The following CLCA1 variants were observed in gnomAD, a reference collection of about 807,000 sequenced individuals.
CLCA1 encodes the protein calcium-activated chloride channel regulator 1.
CLCA1 carries 59 observed loss-of-function variants against 85.6 expected under a neutral mutation model. That is an observed-to-expected ratio of 0.69 (90% CI 0.56 to 0.86). The LOEUF is 0.86. Ranked by LOEUF, CLCA1 falls within the 40% of genes least tolerant of loss-of-function variation. The pLI, the probability that CLCA1 is intolerant of heterozygous loss-of-function variation, is 0.00. For synonymous variants in CLCA1, 396 were observed against 398.3 expected (o/e 0.99, Z 0.07); for missense variants, 1,022 against 1,101.4 (o/e 0.93, Z 1.02).
At chr1:86,498,482 C>A in intron 12 of CLCA1, 90 bp from the exon 13 acceptor site, 1 of 1,299,470 alleles carries the variant, frequency 7.7e-7, no homozygotes, top group Non-Finnish European at 1.1e-6. Context: ...AAGTGGGGAA[C>A]AGGAAGAGGG....
At chr1:86,478,349 C>T (rs1170574519) in intron 4 of CLCA1, among the ~76,000 whole-genome samples, 1 of 152,022 alleles carries the variant, frequency 6.6e-6, no homozygotes, top group Non-Finnish European at 1.5e-5. Context: ...ATTGCTTGAA[C>T]CCGGGAGGCG....
intron 7 of CLCA1, 136 bp downstream of exon 7, chr1:86,486,889 T>C (rs1348216180): frequency 7.8e-6 from 6 of 770,646 alleles, no homozygotes; most frequent in African/African-American, 6.9e-5. Flanking sequence ...CCATATTTAC[T>C]TGGAGACTGT....
chr1:86,476,745 T>C (rs1400343797), intron 4 of CLCA1, among the ~76,000 whole-genome samples, 192 bp downstream of exon 4: 1 of 152,196 alleles, frequency 6.6e-6, no homozygotes, highest in Non-Finnish European at 1.5e-5. Context: ...AATTGAATTA[T>C]TCACTCTGCA....
At chr1:86,471,826 T>C (rs750868353) in intron 1 of CLCA1, among the ~76,000 whole-genome samples, 6 of 151,936 alleles carry the variant, frequency 3.9e-5, no homozygotes, top group Non-Finnish European at 7.4e-5. Context: ...AGAAGTAAAA[T>C]AAGTTCTTTA....
At chr1:86,475,150 G>C (rs1293058427) in intron 3 of CLCA1, among the ~76,000 whole-genome samples, 1 of 152,112 alleles carries the variant, frequency 6.6e-6, no homozygotes, top group African/African-American at 2.4e-5. Context: ...TCCCACTCCT[G>C]AGCCCACTCC....
Position 86,499,838 on chromosome 1 carries a change from T to C in CLCA1, c.2538T>C (p.Ala846=). The change falls in exon 14 of 14, where the codon GCT becomes GCC. Residue 846 remains alanine (A), a synonymous_variant. Coordinates refer to ENST00000394711, the MANE Select transcript of CLCA1 (RefSeq NM_001285.4). ...NGTDLFIAIQ[A]VDKVDLKSEI... ...CAGATCTTTTCATTGCTATTCAGGC[T>C]GTTGATAAGGTCGATCTGAAATCAG... is the stretch of plus-strand genomic sequence containing the variant. The C allele has an allele frequency of 6.2e-7, 1 of 1,613,222 alleles. No homozygotes were observed. The highest frequency in any genetic ancestry group is 8.5e-7 in the Non-Finnish European group (1 of 1,179,130).
chr1:86,493,516 G>A lies in CLCA1; in HGVS notation c.1597G>A (p.Asp533Asn), dbSNP rs777371700. ...TMQPPQILLW[D>N]PSGQKQGGFV... ...GCAGCCTCCCCAAATCCTTCTCTGG[G>A]ATCCCAGTGGACAGAAGCAAGGTGG... The change falls in exon 10 of 14, where the codon GAT becomes AAT. Residue 533 changes from aspartate (D) to asparagine (N), a missense_variant. Transcript: ENST00000394711. The A allele has an allele frequency of 2.5e-6, 4 of 1,614,032 alleles. No homozygotes were observed. Among genetic ancestry groups the A allele is most frequent in the Admixed American group, 1.7e-5 (1 of 60,006 alleles).
At chr1:86,486,138 C>A (rs1435444121) in intron 6 of CLCA1, among the ~76,000 whole-genome samples, 1 of 152,122 alleles carries the variant, frequency 6.6e-6, no homozygotes, top group Non-Finnish European at 1.5e-5. Flanking sequence ...AAGAAACCAC[C>A]TCCATGTTCC....
intron 9 of CLCA1, 22 bp from the exon 10 acceptor site, chr1:86,493,362 T>C (rs202013683): frequency 2.5e-6 from 4 of 1,580,932 alleles, no homozygotes; most frequent in Non-Finnish European, 3.5e-6. Context: ...CTCCAGAAAG[T>C]AAGAGCTGTT....
chr1:86,476,676 C>A, intron 4 of CLCA1, 123 bp downstream of exon 4: 1 of 504,016 alleles, frequency 2.0e-6, no homozygotes, highest in Non-Finnish European at 3.6e-6. Flanking sequence ...ATTCTTAGTG[C>A]CTTCTTTTTC....
rs530408712 is a variant in CLCA1, at chr1:86,490,599, C to T, written c.1358-666C>T. On this transcript the variant is annotated intron_variant, in intron 8 of 13. Transcript: ENST00000394711. ...AGAGTAAATCGATAGTCCTGGAGTA[C>T]GGCTTAATGACTTCTCTCATGTAAA... is the stretch of plus-strand genomic sequence containing the variant. Among the ~76,000 whole-genome samples, 4 of 152,194 alleles carry T rather than the reference C, an allele frequency of 2.6e-5. No individual in the cohort carries two copies. In the South Asian group the frequency reaches 8.3e-4, roughly 32 times the overall value.
In CLCA1 at chr1:86,498,910, G is replaced by A. The variant is rs563508366; in HGVS notation, c.2353+99G>A. 3.4e-5 allele frequency: 45 copies of A among 1,340,042 alleles called. No homozygotes were observed. In the African/African-American group the frequency reaches 5.8e-4, roughly 17 times the overall value. 83.0% of individuals were successfully genotyped at this position (1,340,042 alleles called of 1,614,324 possible). On this transcript the variant is annotated intron_variant, in intron 13 of 13. Transcript: ENST00000394711. ...GCAGCCGTGTTCTGATACTTAGGGG[G>A]CAGAAGGCAGGAGGGATCTTGCCGG...
chr1:86,485,460 A>G lies in CLCA1; in HGVS notation c.853A>G (p.Thr285Ala). The G allele has an allele frequency of 6.2e-7, 1 of 1,614,194 alleles. No individual in the cohort carries two copies. The highest frequency in any genetic ancestry group is 8.5e-7 in the Non-Finnish European group (1 of 1,180,040). The change falls in exon 6 of 14, where the codon ACC becomes GCC. Residue 285 changes from threonine to alanine, a missense_variant. Transcript: ENST00000394711. ...VIRDSEDFKK[T>A]TPMTTQPPNP... ...CCGTGATTCTGAGGACTTTAAGAAA[A>G]CCACTCCTATGACAACACAGCCACC...
In CLCA1 at chr1:86,468,967, C is replaced by T. The variant is rs781475493; in HGVS notation, c.-5C>T. The T allele has an allele frequency of 2.5e-6, 4 of 1,597,260 alleles. No homozygotes were observed. The highest frequency in any genetic ancestry group is 3.4e-6 in the Non-Finnish European group (4 of 1,170,822). ...AAGAGAGAAATCACAGGGAGATGTA[C>T]AGCAATGGGGCCATTTAAGAGTTCT... On this transcript the variant is annotated 5_prime_UTR_variant, in exon 1 of 14. Transcript: ENST00000394711.
intron 11 of CLCA1, 120 bp from the exon 12 acceptor site, chr1:86,495,385 T>C (rs1352531015): frequency 5.3e-6 from 4 of 752,656 alleles, no homozygotes; most frequent in Non-Finnish European, 8.6e-6. Context: ...AATCTTAAGG[T>C]CTCTTGGAGC....
rs5744401 is a variant in CLCA1, at chr1:86,493,750, A to G, written c.1680+151A>G. The G allele has an allele frequency of 1.3e-3, 835 of 642,126 alleles. 10 individuals are homozygous for G. The African/African-American group carries it at 0.013, about 10-fold the overall frequency. The allele number at this position is 642,126 out of a possible 1,614,324, so 39.8% of individuals were successfully genotyped here. A position where few individuals can be genotyped will look rare whatever the true frequency, so the allele number is the denominator to read the frequency against. On this transcript the variant is annotated intron_variant, in intron 10 of 13. Transcript: ENST00000394711. ...AACGAGGAAAAAAAATCTCCATCCA[A>G]TGAAAATCACTCAGTATGTCAGCAA...
At position 86,494,216 on chromosome 1, in the gene CLCA1, A is replaced by C. The variant is rs1648212975; in HGVS notation, c.1710A>C (p.Ala570=). ...KVGTWKYSLQ[A]SSQTLTLTVT... is the part of the protein sequence containing the mutation. ...GCACTTGGAAATACAGTCTGCAAGC[A>C]AGCTCACAAACCTTGACCCTGACTG... The change falls in exon 11 of 14, where the codon GCA becomes GCC. Residue 570 remains alanine, a synonymous_variant. Coordinates refer to ENST00000394711, the MANE Select transcript of CLCA1 (RefSeq NM_001285.4). The C allele has an allele frequency of 2.5e-6, 4 of 1,614,262 alleles. No homozygotes were observed. The East Asian group carries it at 8.9e-5, about 36-fold the overall frequency.
rs35497869 is a variant in CLCA1 at position 86,486,017 on chromosome 1, G to GGAGAGAGAGAGAGAGA, written c.954+466_954+481dup. On this transcript the variant is annotated intron_variant, in intron 6 of 13. Coordinates refer to ENST00000394711, the MANE Select transcript of CLCA1 (RefSeq NM_001285.4). ...GGCAGGCATGTCTTACATGGCAGCA[G>GGAGAGAGAGAGAGAGA]GAGAGAGAGAGAGAGAGAGAGAGAG... Among the ~76,000 whole-genome samples, 880 of 147,386 alleles carry GGAGAGAGAGAGAGAGA rather than the reference G, an allele frequency of 6.0e-3. 4 individuals carry two copies. The highest frequency in any genetic ancestry group is 7.4e-3 in the East Asian group (36 of 4,864).
intron 6 of CLCA1, 130 bp from the exon 7 acceptor site, chr1:86,486,396 A>C: frequency 1.4e-6 from 1 of 736,604 alleles, no homozygotes; most frequent in Non-Finnish European, 2.2e-6. Context: ...TCCCCATAGG[A>C]TATGCCTCAA....
Sources: allele counts gnomAD v4.1 joint callset (sites outside exome capture counted in the v4.1 genomes callset), GRCh38; gene constraint gnomAD v4.1.1; transcripts MANE v1.5; gene names NCBI Gene and HGNC (gene_info 2026-07-23, HGNC 2026-07-21).